The following RARS2 variants were observed in gnomAD, a reference collection of about 807,000 sequenced individuals.
RARS2 encodes the protein arginyl-tRNA synthetase 2, mitochondrial.
In RARS2, 67 loss-of-function variants were observed where a neutral mutation model predicts 88.5. That is an observed-to-expected ratio of 0.76 (90% CI 0.62 to 0.93). The LOEUF is 0.93. Ranked by LOEUF, RARS2 falls within the 40% of genes least tolerant of loss-of-function variation. The pLI is 0.00. For synonymous variants in RARS2, 239 were observed against 230.3 expected, an observed-to-expected ratio of 1.04 and a Z score of -0.34; for missense variants, 664 against 684.2, an observed-to-expected ratio of 0.97 and a Z score of 0.33.
In RARS2 at chr6:87,534,504, T is replaced by C. The variant is rs538857526; in HGVS notation, c.613-3562A>G. 2.7e-3 allele frequency among the ~76,000 whole-genome samples: 417 copies of C among 152,336 alleles called. 2 individuals carry two copies. Among genetic ancestry groups the C allele is most frequent in the Non-Finnish European group, 3.7e-3 (250 of 68,034 alleles). On this transcript the variant is annotated intron_variant, in intron 8 of 19. Transcript: ENST00000369536. ...ACATTTCTCATGCTGATAAAAGTATTTTTTGCACATTTCAATGGTGTCAGA... is the reference window on the plus strand; with the variant it reads ...ACATTTCTCATGCTGATAAAAGTATCTTTTGCACATTTCAATGGTGTCAGA...
intron 4 of RARS2, among the ~76,000 whole-genome samples, chr6:87,561,193 T>C (rs1239694524): frequency 6.6e-6 from 1 of 152,206 alleles, no homozygotes; most frequent in Admixed American, 6.5e-5. Context: ...GTCTCAGCTA[T>C]GTGAGGTATG....
At chr6:87,548,824 T>C (rs572445676) in intron 5 of RARS2, among the ~76,000 whole-genome samples, 178 bp from the exon 6 acceptor site, 2 of 152,184 alleles carry the variant, frequency 1.3e-5, no homozygotes, top group Non-Finnish European at 2.9e-5. Flanking sequence ...AATTTTGACA[T>C]TGTGTTAATG....
intron 7 of RARS2, among the ~76,000 whole-genome samples, chr6:87,543,608 G>A (rs934659516): frequency 6.6e-6 from 1 of 151,434 alleles, no homozygotes; most frequent in East Asian, 1.9e-4. Flanking sequence ...GCCACTGCAC[G>A]CCAGCCTGGG....
At chr6:87,544,924 T>C (rs75387798) in intron 7 of RARS2, among the ~76,000 whole-genome samples, 1,536 of 152,330 alleles carry the variant, frequency 0.01, 24 homozygotes, top group African/African-American at 0.033. Flanking sequence ...TCCTACTTCA[T>C]GTAGAATGGC....
At chr6:87,577,863 A>C (rs1772065611) in intron 1 of RARS2, among the ~76,000 whole-genome samples, 1 of 152,228 alleles carries the variant, frequency 6.6e-6, no homozygotes, top group Non-Finnish European at 1.5e-5. Flanking sequence ...TACGAATTGT[A>C]ATGTTTTTCA....
chr6:87,527,603 CA>C (rs1309010684), intron 10 of RARS2, among the ~76,000 whole-genome samples: 1 of 152,000 alleles, frequency 6.6e-6, no homozygotes, highest in East Asian at 1.9e-4. Context: ...AAACAATCAA[CA>C]AAATGAAGAG....
intron 9 of RARS2, among the ~76,000 whole-genome samples, chr6:87,530,074 ATTC>A (rs1776971621): frequency 1.3e-5 from 2 of 152,198 alleles, no homozygotes; most frequent in Non-Finnish European, 2.9e-5. Context: ...CTGTCACACT[ATTC>A]ACCCTTCAAG....
chr6:87,559,330 G>A (rs1787042615), intron 4 of RARS2, among the ~76,000 whole-genome samples: 1 of 151,906 alleles, frequency 6.6e-6, no homozygotes, highest in South Asian at 2.1e-4. Context: ...AGCCAGGCAT[G>A]GTGGCGGGCA....
chr6:87,522,186 T>C (rs1342698766), intron 11 of RARS2, among the ~76,000 whole-genome samples: 2 of 151,874 alleles, frequency 1.3e-5, no homozygotes, highest in Non-Finnish European at 2.9e-5. Flanking sequence ...AAAAATTAGC[T>C]GGGCGTGGTG....
intron 1 of RARS2, among the ~76,000 whole-genome samples, chr6:87,579,923 A>C (rs1435641546): frequency 1.3e-5 from 2 of 151,776 alleles, no homozygotes; most frequent in African/African-American, 4.8e-5. Context: ...TTGTATTTTT[A>C]GTAGAGACGG....
Position 87,529,587 on chromosome 6 carries a change from T to A in RARS2, c.833A>T (p.Glu278Val), listed in dbSNP as rs541352251. The A allele has an allele frequency of 4.3e-6, 7 of 1,609,342 alleles. No individual in the cohort carries two copies. Among genetic ancestry groups the A allele is most frequent in the Non-Finnish European group, 6.0e-6 (7 of 1,175,624 alleles). ...TTTACTCTCCAGCAACTTTAAGACC[T>A]CTTGAGATTTTTCACGATAAAATGA... ...GESFYREKSQ[E>V]VLKLLESKGL... Residue 278 changes from glutamate to valine, a missense_variant, in exon 10 of 20, where the codon GAG (glutamate) becomes GTG (valine). Transcript: ENST00000369536.
intron 2 of RARS2, among the ~76,000 whole-genome samples, chr6:87,568,362 T>C (rs774998123): frequency 1.2e-4 from 19 of 152,116 alleles, no homozygotes; most frequent in Non-Finnish European, 2.5e-4. Context: ...CAGCCAGGCA[T>C]AGTGGCGTGA....
chr6:87,521,435 G>A (rs756794539), intron 12 of RARS2, 29 bp downstream of exon 12: 2 of 1,504,444 alleles, frequency 1.3e-6, no homozygotes, highest in Admixed American at 1.7e-5. Context: ...TGAGTTAAGA[G>A]ATCATAACTT....
rs777933681 is a variant in RARS2 at position 87,589,937 on chromosome 6, G to A, written c.21C>T (p.Arg7=). The change falls in exon 1 of 20, where the codon CGC becomes CGT. Residue 7 remains arginine, a synonymous_variant. Coordinates refer to ENST00000369536, the MANE Select transcript of RARS2 (RefSeq NM_020320.5). MACGFR[R]AIACQLSRVL... ...GGATCCATACCTGGCAAGCAATAGCGCGGCGAAAGCCGCACGCCATGTCCA... is the reference window on the plus strand; with the variant it reads ...GGATCCATACCTGGCAAGCAATAGCACGGCGAAAGCCGCACGCCATGTCCA... The A allele has an allele frequency of 5.0e-6, 8 of 1,614,068 alleles. No individual in the cohort carries two copies. In the African/African-American group the frequency reaches 6.7e-5, roughly 13 times the overall value.
intron 6 of RARS2, 113 bp from the exon 7 acceptor site, chr6:87,545,812 A>T: frequency 7.9e-7 from 1 of 1,261,404 alleles, no homozygotes; most frequent in Non-Finnish European, 1.1e-6. Flanking sequence ...CACTAAATTT[A>T]CCAACTCAAT....
Position 87,530,798 on chromosome 6 carries a change from T to G in RARS2, c.757A>C (p.Ile253Leu), listed in dbSNP as rs863224179. The change falls in exon 9 of 20, where the codon ATT (isoleucine) becomes CTT (leucine). Residue 253 changes from isoleucine (I) to leucine (L), a missense_variant. By Grantham distance (5) the Ile-to-Leu change is conservative (BLOSUM62 2). Coordinates refer to ENST00000369536, the MANE Select transcript of RARS2 (RefSeq NM_020320.5). Reference protein sequence around the residue: ...KFRDLSIEEYIRVYKRLGVYF... With the variant: ...KFRDLSIEEYLRVYKRLGVYF... The stretch of plus-strand genomic sequence containing the variant: ...TCAACCAATACCTTGTAAACCCGAA[T>G]GTACTCTTCAATGCTCAAGTCCCGA... 6.2e-7 allele frequency: 1 copy of G among 1,614,204 alleles called. No individual in the cohort carries two copies. The highest frequency in any genetic ancestry group is 8.5e-7 in the Non-Finnish European group (1 of 1,180,010).
In RARS2 at chr6:87,529,537, C is replaced by G. The variant is rs770750240; in HGVS notation, c.878+5G>C. 1.3e-6 allele frequency: 2 copies of G among 1,497,364 alleles called. No individual in the cohort carries two copies. Among genetic ancestry groups the G allele is most frequent in the Non-Finnish European group, 1.9e-6 (2 of 1,074,096 alleles). 92.8% of individuals were successfully genotyped at this position (1,497,364 alleles called of 1,614,324 possible). On this transcript the variant is annotated splice_donor_5th_base_variant and intron_variant, in intron 10 of 19. Coordinates refer to ENST00000369536, the MANE Select transcript of RARS2 (RefSeq NM_020320.5). ...TTTTACTGAAGAATAGTAACCTGAT[C>G]ATACATTGTTTTCAGTAGGAGTCCT...
intron 1 of RARS2, among the ~76,000 whole-genome samples, chr6:87,571,591 A>G (rs1342234821): frequency 6.6e-6 from 1 of 152,148 alleles, no homozygotes; most frequent in Non-Finnish European, 1.5e-5. Flanking sequence ...GAATTGGGAA[A>G]AAGAGAAGGG....
intron 8 of RARS2, among the ~76,000 whole-genome samples, chr6:87,539,254 C>G (rs1021214859): frequency 2.6e-5 from 4 of 152,106 alleles, no homozygotes; most frequent in Non-Finnish European, 5.9e-5. Flanking sequence ...CATGGGGTGT[C>G]TCTGTGTAAA....
Sources: allele counts gnomAD v4.1 joint callset (sites outside exome capture counted in the v4.1 genomes callset), GRCh38; gene constraint gnomAD v4.1.1; transcripts MANE v1.5; gene names NCBI Gene and HGNC (gene_info 2026-07-23, HGNC 2026-07-21).